Variants in LIN7A observed in about 807,000 individuals in gnomAD.
LIN7A encodes the protein protein lin-7 homolog A.
A neutral mutation model predicts 29.8 loss-of-function variants in LIN7A; 25 were observed. The observed-to-expected ratio is 0.84, with a 90% CI of 0.61 to 1.17. The LOEUF is 1.17. Among genes scored for constraint, LIN7A ranks in the 50% most tolerant of loss-of-function variants. LIN7A has a pLI of 0.00. For missense variants in LIN7A, 239 were observed against 287.0 expected (o/e 0.83, Z 1.21); for synonymous variants, 118 against 107.5 (o/e 1.10, Z -0.60).
intron 4 of LIN7A, among the ~76,000 whole-genome samples, chr12:80,821,475 C>A (rs1044310102): frequency 6.6e-6 from 1 of 151,906 alleles, no homozygotes; most frequent in Admixed American, 6.6e-5. Flanking sequence ...AATCTTTTTG[C>A]GGATGGAGGG....
rs1213041114 is a variant in LIN7A, at chr12:80,795,238, G to A, written c.*2489C>T. On this transcript the variant is annotated 3_prime_UTR_variant, in exon 6 of 6. Coordinates refer to ENST00000552864, the MANE Select transcript of LIN7A (RefSeq NM_004664.4). ...CTTAAGAGAACCACAGGTGGCTTAA[G>A]TCTTAGTGATGGCTACCTCTGATTA... is the stretch of plus-strand genomic sequence containing the variant. 2.6e-5 allele frequency: 4 copies of A among 152,080 alleles called. No individual in the cohort carries two copies. The highest frequency in any genetic ancestry group is 9.7e-5 in the African/African-American group (4 of 41,436). 9.4% of individuals were successfully genotyped at this position (152,080 alleles called of 1,614,324 possible).
At chr12:80,883,350 A>T (rs1466423172) in intron 2 of LIN7A, among the ~76,000 whole-genome samples, 1 of 152,226 alleles carries the variant, frequency 6.6e-6, no homozygotes, top group Non-Finnish European at 1.5e-5. Flanking sequence ...GTAGATTAAG[A>T]CATTAATAGG....
chr12:80,875,848 A>G (rs191927396), intron 2 of LIN7A, among the ~76,000 whole-genome samples: 1 of 152,308 alleles, frequency 6.6e-6, no homozygotes, highest in African/African-American at 2.4e-5. Flanking sequence ...TCTTTAATTA[A>G]CTTTAATAAG....
At chr12:80,881,513 A>C (rs1231594117) in intron 2 of LIN7A, among the ~76,000 whole-genome samples, 1 of 152,202 alleles carries the variant, frequency 6.6e-6, no homozygotes, top group Admixed American at 6.5e-5. Flanking sequence ...TGTTTAAAGG[A>C]AAACATTAAA....
intron 4 of LIN7A, among the ~76,000 whole-genome samples, chr12:80,829,732 A>G (rs970819413): frequency 6.6e-6 from 1 of 152,162 alleles, no homozygotes; most frequent in Non-Finnish European, 1.5e-5. Flanking sequence ...TGGTACAATT[A>G]CTGTTGATCT....
chr12:80,808,133 A>C (rs1393672804), intron 5 of LIN7A, among the ~76,000 whole-genome samples: 1 of 152,116 alleles, frequency 6.6e-6, no homozygotes, highest in African/African-American at 2.4e-5. Flanking sequence ...TCTGTTCCTC[A>C]AACATGCCTG....
intron 2 of LIN7A, among the ~76,000 whole-genome samples, chr12:80,880,048 T>A (rs746466036): frequency 6.6e-6 from 1 of 152,238 alleles, no homozygotes; most frequent in Non-Finnish European, 1.5e-5. Flanking sequence ...AGTTTTGTAG[T>A]CTTTACAGAT....
At position 80,889,256 on chromosome 12, in the gene LIN7A, G is replaced by T. The variant is rs1449571846; in HGVS notation, c.196C>A (p.Arg66=). The change falls in exon 2 of 6, where the codon CGA becomes AGA. Residue 66 remains arginine, a synonymous_variant. Transcript: ENST00000552864. ...TTAAAATTTTAGTGCCATACCTCTC[G>T]AATAGCTGTACAAAACTCACTCTGA... The part of the protein sequence containing the change: ...VLQSEFCTAI[R]EVYQYMHETI... 1 of 1,582,434 alleles carries T rather than the reference G, an allele frequency of 6.3e-7. No homozygotes were observed. The highest frequency in any genetic ancestry group is 1.7e-5 in the Admixed American group (1 of 59,848).
At chr12:80,915,463 G>A (rs935577572) in intron 1 of LIN7A, among the ~76,000 whole-genome samples, 1 of 152,164 alleles carries the variant, frequency 6.6e-6, no homozygotes. Context: ...AGATAGTTTG[G>A]GGGCTTCTCA....
At chr12:80,931,494 A>G (rs1268334917) in intron 1 of LIN7A, among the ~76,000 whole-genome samples, 1 of 151,920 alleles carries the variant, frequency 6.6e-6, no homozygotes, top group African/African-American at 2.4e-5. Flanking sequence ...ATACAAAAAC[A>G]TCAGCTGGGC....
chr12:80,898,471 T>C (rs1441216183), intron 1 of LIN7A, among the ~76,000 whole-genome samples: 1 of 152,232 alleles, frequency 6.6e-6, no homozygotes, highest in African/African-American at 2.4e-5. Context: ...ATTTGGGCTC[T>C]TTTGTGGTTC....
chr12:80,937,483 A>G (rs1878302315), intron 1 of LIN7A, 158 bp downstream of exon 1: 3 of 438,900 alleles, frequency 6.8e-6, no homozygotes, highest in Non-Finnish European at 1.2e-5. Context: ...AAAGGGGAAG[A>G]AAGTGTTCTG....
At chr12:80,855,133 A>T (rs1873534293) in intron 2 of LIN7A, among the ~76,000 whole-genome samples, 1 of 152,142 alleles carries the variant, frequency 6.6e-6, no homozygotes, top group African/African-American at 2.4e-5. Context: ...GGAAAAAAAA[A>T]AGTAAATGCT....
chr12:80,930,250 T>A (rs1005006355), intron 1 of LIN7A, among the ~76,000 whole-genome samples: 7 of 152,154 alleles, frequency 4.6e-5, no homozygotes, highest in African/African-American at 1.7e-4. Flanking sequence ...ACAAAATAAG[T>A]TTCAATCCCT....
intron 1 of LIN7A, among the ~76,000 whole-genome samples, chr12:80,894,350 T>C (rs1875775808): frequency 2.0e-5 from 3 of 152,246 alleles, no homozygotes; most frequent in South Asian, 4.1e-4. Flanking sequence ...ATTATTTTCC[T>C]AGAACCTACT....
rs544342384 is a variant in LIN7A, at chr12:80,927,463, T to C, written c.82+10178A>G. On this transcript the variant is annotated intron_variant, in intron 1 of 5. Transcript: ENST00000552864. ...CACGCCCGGCCACAGTAAATTATTT[T>C]CTAAGGTTGAACTATCCTACTTTTT... Among the ~76,000 whole-genome samples the C allele has an allele frequency of 3.9e-5, 6 of 152,298 alleles. No homozygotes were observed. The South Asian group carries it at 1.2e-3, about 32-fold the overall frequency.
At position 80,797,172 on chromosome 12, in the gene LIN7A, TATAA is replaced by T. The variant is rs1356958070; in HGVS notation, c.*551_*554del. On this transcript the variant is annotated 3_prime_UTR_variant, in exon 6 of 6. Transcript: ENST00000552864. ...GATTGCTTCTAGAACCTGAAGAAAA[TATAA>T]ATATAGTATGATACCTTGCGATTTT... 1 of 151,968 alleles carries T rather than the reference TATAA, an allele frequency of 6.6e-6. No individual in the cohort carries two copies. The highest frequency in any genetic ancestry group is 6.6e-5 in the Admixed American group (1 of 15,262). 9.4% of individuals were successfully genotyped at this position (151,968 alleles called of 1,614,324 possible).
At chr12:80,834,679 A>G (rs1471734364) in intron 4 of LIN7A, among the ~76,000 whole-genome samples, 1 of 152,212 alleles carries the variant, frequency 6.6e-6, no homozygotes, top group Non-Finnish European at 1.5e-5. Flanking sequence ...CATTTGAGTT[A>G]AAGTTTGGTT....
chr12:80,926,116 T>TTCCA (rs1057508945), intron 1 of LIN7A, among the ~76,000 whole-genome samples: 1 of 152,198 alleles, frequency 6.6e-6, no homozygotes, highest in Non-Finnish European at 1.5e-5. Context: ...TTCAGTTGTA[T>TTCCA]TCCACTGTTA....
Sources: gnomAD v4.1 joint callset for allele counts (sites outside exome capture counted in the v4.1 genomes callset) on GRCh38, gnomAD v4.1.1 for gene constraint, MANE v1.5 for transcripts, NCBI Gene and HGNC (gene_info 2026-07-23, HGNC 2026-07-21) for gene names.